The following EIF3J variants were observed in gnomAD, a reference collection of about 807,000 sequenced individuals.
The protein encoded by EIF3J is eukaryotic translation initiation factor 3, subunit 1 (alpha, 35kD).
A neutral mutation model predicts 39.0 loss-of-function variants in EIF3J; 15 were observed. The ratio of observed to expected loss-of-function variants is 0.38; its 90% CI spans 0.26 to 0.59. The LOEUF is 0.59. Ranked by LOEUF, EIF3J falls within the 20% of genes least tolerant of loss-of-function variation. EIF3J has a pLI of 0.60. For missense variants in EIF3J, 226 were observed against 308.6 expected, an observed-to-expected ratio of 0.73 and a Z score of 2.00; for synonymous variants, 98 against 112.9, an observed-to-expected ratio of 0.87 and a Z score of 0.84.
In EIF3J at chr15:44,551,399, TATA is replaced by T. The variant is rs749994292; in HGVS notation, c.203-30_203-28del. On this transcript the variant is annotated intron_variant, in intron 3 of 7. Coordinates refer to ENST00000261868, the MANE Select transcript of EIF3J (RefSeq NM_003758.4). ...CATCCATAAACTGGAAAATACTCAG[TATA>T]ACTGAATAAAACTTTTTTTTACTTT... 3.6e-6 allele frequency: 5 copies of T among 1,407,026 alleles called. No homozygotes were observed. In the South Asian group the frequency reaches 6.3e-5, roughly 18 times the overall value. The allele number at this position is 1,407,026 out of a possible 1,614,324, so 87.2% of individuals were successfully genotyped here.
chr15:44,548,907 A>C (rs1350406981), intron 2 of EIF3J, among the ~76,000 whole-genome samples: 1 of 152,184 alleles, frequency 6.6e-6, no homozygotes, highest in Non-Finnish European at 1.5e-5. Flanking sequence ...AGGGAAAAAA[A>C]CCATTATTTA....
Position 44,537,206 on chromosome 15 carries a change from G to C in EIF3J, c.12G>C (p.Ala4=). 6.2e-7 allele frequency: 1 copy of C among 1,605,876 alleles called. No homozygotes were observed. The highest frequency in any genetic ancestry group is 2.3e-5 in the East Asian group (1 of 44,378). MAA[A]AAAAGDSDSW... ...ACACCCGGCTCGAGATGGCGGCGGC[G>C]GCGGCGGCGGCGGGGGACTCGGACT... Residue 4 remains alanine (A), a synonymous_variant, in exon 1 of 8, where the codon GCG becomes GCC. Coordinates refer to ENST00000261868, the MANE Select transcript of EIF3J (RefSeq NM_003758.4).
At chr15:44,554,325 G>A (rs1204105397) in intron 4 of EIF3J, among the ~76,000 whole-genome samples, 6 of 142,744 alleles carry the variant, frequency 4.2e-5, no homozygotes, top group Admixed American at 3.0e-4. Context: ...TACAATGAGC[G>A]AAGATCATGC....
chr15:44,556,279 C>G (rs749886371), intron 5 of EIF3J, among the ~76,000 whole-genome samples: 5 of 152,212 alleles, frequency 3.3e-5, no homozygotes, highest in Non-Finnish European at 5.9e-5. Context: ...TGTTCCCTCT[C>G]TCCCCACTTT....
intron 6 of EIF3J, among the ~76,000 whole-genome samples, chr15:44,559,596 A>G (rs1230258991): frequency 6.6e-6 from 1 of 151,348 alleles, no homozygotes; most frequent in South Asian, 2.1e-4. Context: ...AGTCCCAGCT[A>G]CTCGGGAGGC....
chr15:44,550,734 A>C (rs373200814), intron 2 of EIF3J, 142 bp from the exon 3 acceptor site: 1 of 594,774 alleles, frequency 1.7e-6, no homozygotes, highest in African/African-American at 1.9e-5. Context: ...TAAGATGTCA[A>C]TTCCCCCTAC....
rs2081969629 is a variant in EIF3J, at chr15:44,537,523, G to A, written c.147+96G>A. ...GGGTCGCTGCCGGGGCCTGCGGGCCGTGGGTCCAGGCGCGAGCATAGGGCC... is the reference window on the plus strand; with the variant it reads ...GGGTCGCTGCCGGGGCCTGCGGGCCATGGGTCCAGGCGCGAGCATAGGGCC... On this transcript the variant is annotated intron_variant, in intron 2 of 7. Transcript: ENST00000261868. 1.7e-5 allele frequency: 22 copies of A among 1,291,236 alleles called. 1 individual carries two copies. In the South Asian group the frequency reaches 3.6e-4, roughly 21 times the overall value. 80.0% of individuals were successfully genotyped at this position (1,291,236 alleles called of 1,614,324 possible).
rs144267039 is a variant in EIF3J, at chr15:44,555,524, T to C, written c.409+857T>C. On this transcript the variant is annotated intron_variant, in intron 5 of 7. Transcript: ENST00000261868. ...GATCTGTACAAATACCAGGAGTTGA[T>C]GTGAATGCTCCTGTGCACCATTGTA... Among the ~76,000 whole-genome samples the C allele has an allele frequency of 4.5e-4, 68 of 152,316 alleles. 1 individual carries two copies. The East Asian group carries it at 0.013, about 29-fold the overall frequency.
In EIF3J at chr15:44,562,336, T is replaced by TA. The variant is rs1334429067; in HGVS notation, c.*1188dup. 1 of 152,658 alleles carries TA rather than the reference T, an allele frequency of 6.6e-6. No homozygotes were observed. Among genetic ancestry groups the TA allele is most frequent in the African/African-American group, 2.4e-5 (1 of 41,460 alleles). The allele number at this position is 152,658 out of a possible 1,614,324, so 9.5% of individuals were successfully genotyped here. On this transcript the variant is annotated 3_prime_UTR_variant, in exon 8 of 8. Transcript: ENST00000261868. ...ACCAAGGCCTAATTAATTAAGTACCTATAAGAACTATTTATTTGGAGTAAC... is the reference window on the plus strand; with the variant it reads ...ACCAAGGCCTAATTAATTAAGTACCTAATAAGAACTATTTATTTGGAGTAAC...
chr15:44,537,558 T>C, intron 2 of EIF3J, 131 bp downstream of exon 2: 1 of 917,314 alleles, frequency 1.1e-6, no homozygotes, highest in Non-Finnish European at 1.5e-6. Context: ...CTGGCGGTGC[T>C]CTCTTCCCCT....
At chr15:44,558,673 C>G (rs1259770259) in intron 6 of EIF3J, 2 of 152,130 alleles carry the variant, frequency 1.3e-5, no homozygotes, top group Non-Finnish European at 2.9e-5. Flanking sequence ...CTCCTGATCT[C>G]AGGTGATCTC....
intron 2 of EIF3J, among the ~76,000 whole-genome samples, chr15:44,549,389 C>T (rs555456093): frequency 4.6e-5 from 7 of 151,690 alleles, no homozygotes; most frequent in Non-Finnish European, 1.0e-4. Flanking sequence ...AAAACTCCAA[C>T]TCAAAAACAA....
intron 2 of EIF3J, among the ~76,000 whole-genome samples, chr15:44,538,104 A>G (rs1172444869): frequency 6.6e-6 from 1 of 152,138 alleles, no homozygotes; most frequent in African/African-American, 2.4e-5. Context: ...ACTCAACTAC[A>G]CACATACGAC....
chr15:44,544,025 C>A (rs2082032664), intron 2 of EIF3J, among the ~76,000 whole-genome samples: 1 of 151,700 alleles, frequency 6.6e-6, no homozygotes, highest in Non-Finnish European at 1.5e-5. Context: ...TTCAGCCATA[C>A]TTCTTCCTTC....
At chr15:44,540,845 T>G (rs963174843) in intron 2 of EIF3J, among the ~76,000 whole-genome samples, 2 of 152,242 alleles carry the variant, frequency 1.3e-5, no homozygotes, top group Non-Finnish European at 2.9e-5. Flanking sequence ...CATCTAGTAC[T>G]TAACCTTTAA....
chr15:44,558,810 A>T (rs1486420814), intron 6 of EIF3J: 1 of 152,184 alleles, frequency 6.6e-6, no homozygotes, highest in Non-Finnish European at 1.5e-5. Flanking sequence ...ATAAATTATC[A>T]CTAAGCTGAG....
rs199998970 is a variant in EIF3J, at chr15:44,557,483, C to T, written c.410-6C>T. On this transcript the variant is annotated splice_region_variant and splice_polypyrimidine_tract_variant and intron_variant, in intron 5 of 7. Coordinates refer to ENST00000261868, the MANE Select transcript of EIF3J (RefSeq NM_003758.4). The stretch of plus-strand genomic sequence containing the variant: ...GATACTTTTCAGTGCTTCTTTTCTC[C>T]TACAGGTGTTAATAATGCAGTTTAT... The T allele has an allele frequency of 3.3e-6, 5 of 1,502,950 alleles. No homozygotes were observed. In the East Asian group the frequency reaches 1.3e-4, roughly 38 times the overall value. 93.1% of individuals were successfully genotyped at this position (1,502,950 alleles called of 1,614,324 possible).
intron 7 of EIF3J, chr15:44,560,564 C>A: frequency 2.1e-6 from 1 of 478,572 alleles, no homozygotes; most frequent in Non-Finnish European, 3.7e-6. Flanking sequence ...ACTAGCACTG[C>A]TACTTAATAG....
At chr15:44,538,412 G>T (rs2081979470) in intron 2 of EIF3J, among the ~76,000 whole-genome samples, 4 of 151,620 alleles carry the variant, frequency 2.6e-5, no homozygotes, top group African/African-American at 7.3e-5. Flanking sequence ...AATGGAAAAT[G>T]ATTTTTTTTT....
Sources: allele counts gnomAD v4.1 joint callset (sites outside exome capture counted in the v4.1 genomes callset), GRCh38; gene constraint gnomAD v4.1.1; transcripts MANE v1.5; gene names NCBI Gene and HGNC (gene_info 2026-07-23, HGNC 2026-07-21).